Variants in USP4 observed in about 807,000 individuals in gnomAD.
The protein encoded by USP4 is ubiquitin specific peptidase 4.
A neutral mutation model predicts 118.2 loss-of-function variants in USP4; 72 were observed. The observed-to-expected ratio is 0.61, with a 90% CI of 0.50 to 0.74. The LOEUF (loss-of-function observed/expected upper bound fraction) is 0.74. USP4 is among the 30% of genes least tolerant of loss of function. The pLI is 0.00. For missense variants in USP4, 1,037 were observed against 1,185.7 expected, an observed-to-expected ratio of 0.87 and a Z score of 1.84; for synonymous variants, 415 against 440.4, an observed-to-expected ratio of 0.94 and a Z score of 0.72.
intron 7 of USP4, among the ~76,000 whole-genome samples, chr3:49,311,176 CG>C (rs34463816): frequency 0.57 from 86,172 of 151,838 alleles, 25,504 homozygotes; most frequent in East Asian, 0.95. Flanking sequence ...GAAAGGATCA[CG>C]GCCATCCACA....
chr3:49,278,890 G>A lies in USP4; in HGVS notation c.2657C>T (p.Ala886Val), dbSNP rs1246111392. 8 of 1,609,644 alleles carry A rather than the reference G, an allele frequency of 5.0e-6. No homozygotes were observed. Among genetic ancestry groups the A allele is most frequent in the Non-Finnish European group, 5.1e-6 (6 of 1,177,828 alleles). The change falls in exon 21 of 22, where the codon GCG (alanine) becomes GTG (valine). Residue 886 changes from alanine to valine, a missense_variant. Ala to Val is a moderately conservative substitution (Grantham distance 64, BLOSUM62 0). Transcript: ENST00000265560. Reference protein sequence around the residue: ...AMGVGHYTAYAKNKLNGKWYY... With the variant: ...AMGVGHYTAYVKNKLNGKWYY... The stretch of plus-strand genomic sequence containing the variant: ...CCATTTACCATTCAGTTTGTTCTTC[G>A]CATATGCAGTGTCTGCCAAGTCAAC...
chr3:49,284,469 G>A lies in USP4; in HGVS notation c.2387C>T (p.Pro796Leu), dbSNP rs758676462. 6.2e-7 allele frequency: 1 copy of A among 1,613,314 alleles called. No individual in the cohort carries two copies. Among genetic ancestry groups the A allele is most frequent in the South Asian group, 1.1e-5 (1 of 91,050 alleles). ...TTMETLGEHD[P>L]WYCPNCKKHQ... is the part of the protein sequence containing the mutation. Reference sequence around the variant, plus strand: ...CAGACAGTGAGGAGCTGCGTACCAGGGGTCATGCTCCCCAAGGGTCTCCAT... The same window carrying A: ...CAGACAGTGAGGAGCTGCGTACCAGAGGTCATGCTCCCCAAGGGTCTCCAT... Residue 796 changes from proline to leucine, a missense_variant, in exon 18 of 22, where the codon CCC (proline) becomes CTC (leucine). Pro to Leu is a moderately conservative substitution (Grantham distance 98, BLOSUM62 -3). Around this residue, in one of 3 missense-constraint regions of USP4, gnomAD observed 522 missense variants for 592.6 expected, o/e 0.88. Transcript: ENST00000265560.
rs202182383 is a variant in USP4 at position 49,310,619 on chromosome 3, C to T, written c.954+1G>A. 3.6e-4 allele frequency: 586 copies of T among 1,612,148 alleles called. No individual in the cohort carries two copies. Among genetic ancestry groups the T allele is most frequent in the Non-Finnish European group, 4.8e-4 (571 of 1,178,352 alleles). On this transcript the variant is annotated splice_donor_variant, in intron 8 of 21. Transcript: ENST00000265560. LOFTEE classifies it high-confidence loss of function. ...ATTTGAATGGAAGTTCTCTCCTCTA[C>T]CTGCAAAGCGGAGTTCATGAAGCAG...
intron 9 of USP4, among the ~76,000 whole-genome samples, chr3:49,303,814 G>A (rs973569807): frequency 2.0e-5 from 3 of 151,776 alleles, no homozygotes; most frequent in African/African-American, 4.8e-5. Context: ...GTGCAGTGGC[G>A]CAATCTCAGC....
In USP4 at chr3:49,280,778, C is replaced by T. The variant is rs1233838849; in HGVS notation, c.2610G>A (p.Val870=). The T allele has an allele frequency of 8.1e-6, 13 of 1,613,986 alleles. No homozygotes were observed. The South Asian group carries it at 1.3e-4, about 16-fold the overall frequency. ...CCCCCATGGCTCCATAATGATTGGA[C>T]ACGGCAATGAGGTCGTACACATAAG... ...ARPYVYDLIA[V]SNHYGAMGVG... Residue 870 remains valine (V), a synonymous_variant, in exon 20 of 22, where the codon GTG becomes GTA. Coordinates refer to ENST00000265560, the MANE Select transcript of USP4 (RefSeq NM_003363.4).
intron 1 of USP4, among the ~76,000 whole-genome samples, chr3:49,337,529 AAGTGATCCTCCTGCCTC>A (rs2047681677): frequency 6.6e-6 from 1 of 152,132 alleles, no homozygotes; most frequent in Non-Finnish European, 1.5e-5. Context: ...TCCTGGGCTC[AAGTGATCCTCCTGCCTC>A]AGCCTCTGAG....
At chr3:49,309,138 C>CT (rs757672940) in intron 8 of USP4, among the ~76,000 whole-genome samples, 50 of 151,832 alleles carry the variant, frequency 3.3e-4, no homozygotes, top group Admixed American at 1.3e-4. Flanking sequence ...CTATATGCCT[C>CT]TTCCCTTGGC....
At position 49,280,724 on chromosome 3, in the gene USP4, AAGC is replaced by A. The variant is rs1419794412; in HGVS notation, c.2644+17_2644+19del. The A allele has an allele frequency of 1.9e-6, 3 of 1,595,162 alleles. No individual in the cohort carries two copies. The African/African-American group carries it at 4.0e-5, about 21-fold the overall frequency. ...GAGCACATTTCAACATCTCAGAAGG[AAGC>A]AGATGTCAATACTTACAGTGGCCAA... is the stretch of plus-strand genomic sequence containing the variant. On this transcript the variant is annotated intron_variant, in intron 20 of 21. Coordinates refer to ENST00000265560, the MANE Select transcript of USP4 (RefSeq NM_003363.4).
intron 11 of USP4, 53 bp downstream of exon 11, chr3:49,300,414 G>T: frequency 6.5e-7 from 1 of 1,541,034 alleles, no homozygotes; most frequent in South Asian, 1.1e-5. Context: ...GTCCCACTGG[G>T]ATCTGGAGAC....
chr3:49,282,018 A>C (rs2047035906), intron 19 of USP4, among the ~76,000 whole-genome samples: 1 of 152,048 alleles, frequency 6.6e-6, no homozygotes, highest in Non-Finnish European at 1.5e-5. Flanking sequence ...TCAAAAAAAA[A>C]CAAAAACAAA....
Position 49,310,649 on chromosome 3 carries a change from T to C in USP4, c.925A>G (p.Asn309Asp). Residue 309 changes from asparagine (N) to aspartate (D), a missense_variant, in exon 8 of 22, where the codon AAC (asparagine) becomes GAC (aspartate). Physicochemically the swap from Asn to Asp is conservative, Grantham distance 23. Transcript: ENST00000265560. ...PGLCGLGNLGNTCFMNSALQC... is the reference protein window; with the variant it reads ...PGLCGLGNLGDTCFMNSALQC... The stretch of plus-strand genomic sequence containing the variant: ...AAAGCGGAGTTCATGAAGCAGGTGT[T>C]TCCCAGGTTTCCAAGTCCACAGAGC... 6.2e-7 allele frequency: 1 copy of C among 1,614,106 alleles called. No individual in the cohort carries two copies. Among genetic ancestry groups the C allele is most frequent in the Non-Finnish European group, 8.5e-7 (1 of 1,179,992 alleles).
At chr3:49,284,820 C>A (rs767985430) in intron 17 of USP4, 29 bp downstream of exon 17, 2 of 1,607,772 alleles carry the variant, frequency 1.2e-6, no homozygotes, top group Non-Finnish European at 1.7e-6. Context: ...CCAGCAGACA[C>A]CACCGACCAC....
At chr3:49,299,082 T>C (rs2047237754) in intron 11 of USP4, among the ~76,000 whole-genome samples, 1 of 151,680 alleles carries the variant, frequency 6.6e-6, no homozygotes, top group Non-Finnish European at 1.5e-5. Flanking sequence ...CTCAACTTTC[T>C]TTTTTTTCTT....
chr3:49,336,617 C>T (rs972944559), intron 1 of USP4, among the ~76,000 whole-genome samples: 10 of 149,016 alleles, frequency 6.7e-5, no homozygotes, highest in Non-Finnish European at 1.2e-4. Flanking sequence ...CTCCGCCTCC[C>T]GGGTTCAAGT....
chr3:49,335,928 A>G (rs145697210), intron 1 of USP4, among the ~76,000 whole-genome samples: 1 of 152,236 alleles, frequency 6.6e-6, no homozygotes, highest in African/African-American at 2.4e-5. Context: ...TAGTGACACA[A>G]TCTTGGCTCA....
At position 49,324,778 on chromosome 3, in the gene USP4, A is replaced by C. The variant is rs773615582; in HGVS notation, c.634-15T>G. 5.0e-6 allele frequency: 8 copies of C among 1,613,986 alleles called. No individual in the cohort carries two copies. Among genetic ancestry groups the C allele is most frequent in the Non-Finnish European group, 6.8e-6 (8 of 1,179,978 alleles). ...ATTACTAGCACCTGAGTGAAAGGGG[A>C]AACCAAATGAGGAGAGTTCAAACCA... On this transcript the variant is annotated splice_polypyrimidine_tract_variant and intron_variant, in intron 5 of 21. Coordinates refer to ENST00000265560, the MANE Select transcript of USP4 (RefSeq NM_003363.4).
At chr3:49,304,375 T>C (rs1378270551) in intron 9 of USP4, among the ~76,000 whole-genome samples, 1 of 152,000 alleles carries the variant, frequency 6.6e-6, no homozygotes, top group Non-Finnish European at 1.5e-5. Flanking sequence ...GAAAAAGCAG[T>C]TGGGGCAATG....
At chr3:49,335,378 G>A (rs2047658043) in intron 2 of USP4, 91 bp downstream of exon 2, 2 of 1,562,220 alleles carry the variant, frequency 1.3e-6, no homozygotes, top group Non-Finnish European at 1.8e-6. Flanking sequence ...CCTCACACTA[G>A]GAAAGTTCAC....
At chr3:49,296,054 G>A (rs1005799418) in intron 13 of USP4, among the ~76,000 whole-genome samples, 3 of 152,106 alleles carry the variant, frequency 2.0e-5, no homozygotes, top group Admixed American at 1.3e-4. Context: ...GATGCAGGCC[G>A]GGCACAGTGG....
Sources: gnomAD v4.1 joint callset for allele counts (sites outside exome capture counted in the v4.1 genomes callset) on GRCh38, gnomAD v4.1.1 for gene constraint, gnomAD v4.1.1 regional missense constraint, MANE v1.5 for transcripts, NCBI Gene and HGNC (gene_info 2026-07-23, HGNC 2026-07-21) for gene names.